Variants in IDE observed in about 807,000 individuals in gnomAD.
IDE encodes insulin degrading enzyme.
In IDE, 58 loss-of-function variants were observed where a neutral mutation model predicts 133.2. That is an observed-to-expected ratio of 0.44 (90% CI 0.35 to 0.54). The LOEUF (loss-of-function observed/expected upper bound fraction) is 0.54, where lower values mean the gene tolerates loss of function less well. Ranked by LOEUF, IDE falls within the 20% of genes least tolerant of loss-of-function variation. IDE has a pLI of 0.00. For missense variants in IDE, 981 were observed against 1,234.0 expected, an observed-to-expected ratio of 0.79 and a Z score of 3.07; for synonymous variants, 396 against 421.3, an observed-to-expected ratio of 0.94 and a Z score of 0.73.
intron 1 of IDE, 63 bp from the exon 2 acceptor site, chr10:92,537,613 G>A (rs568765223): frequency 1.1e-4 from 136 of 1,243,200 alleles, no homozygotes; most frequent in Non-Finnish European, 1.4e-4. Flanking sequence ...AAACAATAAC[G>A]TCAAGTAAAC....
chr10:92,510,998 C>T (rs1413706785), intron 5 of IDE, among the ~76,000 whole-genome samples: 2 of 145,696 alleles, frequency 1.4e-5, no homozygotes, highest in African/African-American at 5.1e-5. Context: ...TAAAGAACAG[C>T]TTGCTTTTTA....
chr10:92,508,808 T>G lies in IDE; in HGVS notation c.980A>C (p.Lys327Thr), dbSNP rs761072265. ...FPIPDLQKYY[K>T]SNPGHYLGHL... Reference sequence around the variant, plus strand: ...ACCAAGATAATGACCAGGATTTGATTTGTAGTATTTCTGAAGGTCAGGTAT... The same window carrying G: ...ACCAAGATAATGACCAGGATTTGATGTGTAGTATTTCTGAAGGTCAGGTAT... The change falls in exon 7 of 25, where the codon AAA (lysine) becomes ACA (threonine). Residue 327 changes from lysine (K) to threonine (T), a missense_variant. Lys to Thr is a moderately conservative substitution (Grantham distance 78). Around this residue, in one of 2 missense-constraint regions of IDE, gnomAD observed 660 missense variants for 894.7 expected, o/e 0.74. Transcript: ENST00000265986. 6.2e-7 allele frequency: 1 copy of G among 1,613,460 alleles called. No individual in the cohort carries two copies. The highest frequency in any genetic ancestry group is 8.5e-7 in the Non-Finnish European group (1 of 1,179,380).
chr10:92,534,051 T>G (rs1850095226), intron 3 of IDE, among the ~76,000 whole-genome samples: 1 of 150,222 alleles, frequency 6.7e-6, no homozygotes, highest in South Asian at 2.1e-4. Flanking sequence ...GACCAAGAAA[T>G]TAAATCATCC....
intron 1 of IDE, among the ~76,000 whole-genome samples, chr10:92,539,045 TGA>T (rs1842164775): frequency 6.6e-6 from 1 of 151,146 alleles, no homozygotes; most frequent in African/African-American, 2.5e-5. Context: ...CTCTAGAGAT[TGA>T]GAGAGGAAAA....
intron 2 of IDE, among the ~76,000 whole-genome samples, chr10:92,535,293 C>T (rs976562157): frequency 1.2e-4 from 18 of 152,032 alleles, no homozygotes; most frequent in African/African-American, 3.9e-4. Context: ...TTATTAGAGG[C>T]GGGGTTTCAC....
At chr10:92,480,362 G>T (rs747231744) in intron 14 of IDE, among the ~76,000 whole-genome samples, 14 of 152,186 alleles carry the variant, frequency 9.2e-5, no homozygotes, top group Non-Finnish European at 1.8e-4. Context: ...CAAATTCCCT[G>T]ACCTCAGAGT....
chr10:92,490,439 ATGTTCT>A, intron 12 of IDE, 48 bp downstream of exon 12: 1 of 1,104,404 alleles, frequency 9.1e-7, no homozygotes, highest in South Asian at 1.3e-5. Context: ...CTAGGGAGCA[ATGTTCT>A]TGTGATTCCT....
chr10:92,458,495 T>G (rs981651239), intron 22 of IDE, among the ~76,000 whole-genome samples: 2 of 79,486 alleles, frequency 2.5e-5, no homozygotes, highest in Non-Finnish European at 5.7e-5. Flanking sequence ...TCTCTGTTTT[T>G]TTTTTTTTTT....
chr10:92,474,256 CAG>C (rs1239974706), intron 17 of IDE, among the ~76,000 whole-genome samples: 1 of 152,044 alleles, frequency 6.6e-6, no homozygotes, highest in Admixed American at 6.6e-5. Flanking sequence ...TTTGTAGAGA[CAG>C]AGTCTCACTA....
chr10:92,528,802 C>T (rs540431576), intron 4 of IDE, among the ~76,000 whole-genome samples: 2 of 152,208 alleles, frequency 1.3e-5, no homozygotes, highest in South Asian at 2.1e-4. Context: ...TGAGACCAGG[C>T]GTGATGGCTC....
At chr10:92,501,647 T>G (rs1414425934) in intron 11 of IDE, among the ~76,000 whole-genome samples, 1 of 135,548 alleles carries the variant, frequency 7.4e-6, no homozygotes, top group Non-Finnish European at 1.6e-5. Flanking sequence ...TCCAGCCTGG[T>G]GACACAGCGA....
chr10:92,524,332 A>G (rs1254397084), intron 4 of IDE, among the ~76,000 whole-genome samples: 1 of 73,876 alleles, frequency 1.4e-5, no homozygotes, highest in Non-Finnish European at 2.4e-5. Flanking sequence ...ATATTATTAT[A>G]TATATTATAT....
At chr10:92,570,730 C>T (rs1373528905) in intron 1 of IDE, among the ~76,000 whole-genome samples, 1 of 152,004 alleles carries the variant, frequency 6.6e-6, no homozygotes, top group African/African-American at 2.4e-5. Context: ...CCCTGGGCAA[C>T]ATGACAAAAC....
At chr10:92,461,027 A>G (rs1240647938) in intron 22 of IDE, among the ~76,000 whole-genome samples, 164 bp downstream of exon 22, 1 of 152,028 alleles carries the variant, frequency 6.6e-6, no homozygotes, top group African/African-American at 2.4e-5. Context: ...TTTTAGTATA[A>G]ATGGGGTTTC....
In IDE at chr10:92,514,909, A is replaced by C; in HGVS notation, c.784+11T>G. On this transcript the variant is annotated intron_variant, in intron 5 of 24. Coordinates refer to ENST00000265986, the MANE Select transcript of IDE (RefSeq NM_004969.4). ...TTATCCAATTCTATAAAAAATTGTA[A>C]GGGTTCTTACCTCGACCTAAAACAC... The C allele has an allele frequency of 1.2e-6, 2 of 1,601,862 alleles. No individual in the cohort carries two copies. The highest frequency in any genetic ancestry group is 1.7e-6 in the Non-Finnish European group (2 of 1,175,320).
intron 1 of IDE, among the ~76,000 whole-genome samples, chr10:92,563,491 A>C (rs1355153783): frequency 6.6e-6 from 1 of 151,428 alleles, no homozygotes; most frequent in East Asian, 2.0e-4. Context: ...GGTGGCTCAA[A>C]CCTGTAATTC....
At chr10:92,571,270 C>G (rs1456508891) in intron 1 of IDE, among the ~76,000 whole-genome samples, 1 of 152,142 alleles carries the variant, frequency 6.6e-6, no homozygotes, top group East Asian at 1.9e-4. Flanking sequence ...CGACCTCGCC[C>G]TGTCAAAGTG....
In IDE at chr10:92,534,722, A is replaced by C. The variant is rs983480404; in HGVS notation, c.347T>G (p.Leu116Trp). The change falls in exon 3 of 25, where the codon TTG (leucine) becomes TGG (tryptophan). Residue 116 changes from leucine (L) to tryptophan (W), a missense_variant. By Grantham distance (61) the Leu-to-Trp change is moderately conservative (BLOSUM62 -2). Coordinates refer to ENST00000265986, the MANE Select transcript of IDE (RefSeq NM_004969.4). ...LSHFCEHMLF[L>W]GTKKYPKENE... ...TTCTTTAGGGTATTTCTTTGTTCCC[A>C]AAAAAAGCATATGTTCACAAAAATG... 2 of 1,612,820 alleles carry C rather than the reference A, an allele frequency of 1.2e-6. No homozygotes were observed. The highest frequency in any genetic ancestry group is 1.7e-6 in the Non-Finnish European group (2 of 1,179,034).
Position 92,483,266 on chromosome 10 carries a change from A to G in IDE, c.1728T>C (p.Phe576=). The G allele has an allele frequency of 1.3e-6, 2 of 1,586,216 alleles. No homozygotes were observed. Among genetic ancestry groups the G allele is most frequent in the Non-Finnish European group, 8.7e-7 (1 of 1,154,782 alleles). The stretch of plus-strand genomic sequence containing the variant: ...TTCATCTTACATACCTGAAAAATTC[A>G]AAGTTGAGACAAGCCTTCGGCAAAA... ...KFFLPKACLN[F]EFFSPFAYVD... is the part of the protein sequence containing the mutation. Residue 576 remains phenylalanine (F), a synonymous_variant, in exon 14 of 25, where the codon TTT becomes TTC. Coordinates refer to ENST00000265986, the MANE Select transcript of IDE (RefSeq NM_004969.4).
Sources: gnomAD v4.1 joint callset for allele counts (sites outside exome capture counted in the v4.1 genomes callset) on GRCh38, gnomAD v4.1.1 for gene constraint, gnomAD v4.1.1 regional missense constraint, MANE v1.5 for transcripts, NCBI Gene and HGNC (gene_info 2026-07-23, HGNC 2026-07-21) for gene names.